Variants in FXR1 observed in about 807,000 individuals in gnomAD.
FXR1 encodes the protein FMR1 autosomal homolog 1.
Under a neutral mutation model 84.0 loss-of-function variants are expected in FXR1, and 15 were observed. That is an observed-to-expected ratio of 0.18 (90% CI 0.12 to 0.27). The LOEUF is 0.27. Among genes scored for constraint, FXR1 ranks in the 10% least tolerant of loss-of-function variants. The pLI, the probability that FXR1 is intolerant of heterozygous loss-of-function variation, is 1.00. For synonymous variants in FXR1, 245 were observed against 250.7 expected, an observed-to-expected ratio of 0.98 and a Z score of 0.21; for missense variants, 480 against 774.4, an observed-to-expected ratio of 0.62 and a Z score of 4.51.
intron 3 of FXR1, among the ~76,000 whole-genome samples, chr3:180,938,611 C>T (rs569699025): frequency 4.8e-4 from 73 of 152,130 alleles, no homozygotes; most frequent in Admixed American, 1.3e-3. Context: ...TGCAATGGTG[C>T]GATCTCGGCT....
Position 180,935,227 on chromosome 3 carries a change from T to A in FXR1, c.194T>A (p.Val65Glu). The A allele has an allele frequency of 8.0e-7, 1 of 1,243,384 alleles. No individual in the cohort carries two copies. Among genetic ancestry groups the A allele is most frequent in the Non-Finnish European group, 1.2e-6 (1 of 845,112 alleles). The allele number at this position is 1,243,384 out of a possible 1,614,324, so 77.0% of individuals were successfully genotyped here. Residue 65 changes from valine (V) to glutamate (E), a missense_variant, in exon 3 of 17, where the codon GTA becomes GAA. Val to Glu is a moderately radical substitution (Grantham distance 121). This residue lies in a region of FXR1 where 136 missense variants were observed against 315.4 expected (regional missense o/e 0.43). Coordinates refer to ENST00000357559, the MANE Select transcript of FXR1 (RefSeq NM_005087.4). ...IKKEISEGDE[V>E]EVYSRANDQE... Reference sequence around the variant, plus strand: ...AAAGAAATTAGTGAAGGAGATGAAGTAGAGGTATGTATTTTTAAGTTTATT... The same window carrying A: ...AAAGAAATTAGTGAAGGAGATGAAGAAGAGGTATGTATTTTTAAGTTTATT...
At chr3:180,955,465 A>G (rs1008517922) in intron 9 of FXR1, among the ~76,000 whole-genome samples, 3 of 152,106 alleles carry the variant, frequency 2.0e-5, no homozygotes, top group Admixed American at 1.3e-4. Flanking sequence ...ATTTTGTATA[A>G]TTATAATTAT....
intron 9 of FXR1, among the ~76,000 whole-genome samples, chr3:180,955,268 G>T (rs955896046): frequency 6.6e-5 from 10 of 151,942 alleles, no homozygotes; most frequent in African/African-American, 2.4e-4. Context: ...CAAAGTGCTG[G>T]GATTACAGGC....
chr3:180,965,605 A>C (rs1327278085), intron 13 of FXR1, among the ~76,000 whole-genome samples: 1 of 152,108 alleles, frequency 6.6e-6, no homozygotes, highest in African/African-American at 2.4e-5. Flanking sequence ...TAGTTTAGAA[A>C]ATTTCTCTAC....
rs1470057674 is a variant in FXR1, at chr3:180,982,665, G to A, written c.*6373G>A. 6.6e-6 allele frequency: 1 copy of A among 152,054 alleles called. No homozygotes were observed. Among genetic ancestry groups the A allele is most frequent in the African/African-American group, 2.4e-5 (1 of 41,422 alleles). 9.4% of individuals were successfully genotyped at this position (152,054 alleles called of 1,614,324 possible). On this transcript the variant is annotated 3_prime_UTR_variant, in exon 17 of 17. Coordinates refer to ENST00000357559, the MANE Select transcript of FXR1 (RefSeq NM_005087.4). The stretch of plus-strand genomic sequence containing the variant: ...CTGTCTTTGAAAAATTTTCTTTTAA[G>A]TCTCAACTATTTCTTCATAAAGCTC...
intron 11 of FXR1, 148 bp from the exon 12 acceptor site, chr3:180,962,735 T>A: frequency 3.2e-6 from 2 of 627,962 alleles, no homozygotes; most frequent in Non-Finnish European, 5.7e-6. Context: ...AATGACCTCA[T>A]CAATTCTGTT....
At chr3:180,950,214 A>G (rs1298091366) in intron 7 of FXR1, among the ~76,000 whole-genome samples, 2 of 152,206 alleles carry the variant, frequency 1.3e-5, no homozygotes, top group African/African-American at 4.8e-5. Flanking sequence ...ACACACTGTG[A>G]TGTCTCAGAG....
At chr3:180,959,171 C>G (rs1051729930) in intron 10 of FXR1, among the ~76,000 whole-genome samples, 2 of 152,122 alleles carry the variant, frequency 1.3e-5, no homozygotes. Context: ...AAAGTATTGA[C>G]CATTTCTTAA....
chr3:180,953,240 G>GT (rs1012181141), intron 8 of FXR1, among the ~76,000 whole-genome samples: 1 of 152,090 alleles, frequency 6.6e-6, no homozygotes, highest in African/African-American at 2.4e-5. Context: ...CCCTCTAGTT[G>GT]TTTAAAATTG....
In FXR1 at chr3:180,912,717, C is replaced by T; in HGVS notation, c.32C>T (p.Ser11Phe). ...GAGCTGACGGTGGAGGTTCGCGGCT[C>T]TAACGGGGCTTTCTACAAGGTACTG... is the stretch of plus-strand genomic sequence containing the variant. MAELTVEVRG[S>F]NGAFYKGFIK... The change falls in exon 1 of 17, where the codon TCT (serine) becomes TTT (phenylalanine). Residue 11 changes from serine (S) to phenylalanine (F), a missense_variant. Around this residue, in one of 6 missense-constraint regions of FXR1, gnomAD observed 54 missense variants for 74.2 expected, o/e 0.73. Transcript: ENST00000357559. The T allele has an allele frequency of 1.2e-6, 2 of 1,614,064 alleles. No homozygotes were observed. Among genetic ancestry groups the T allele is most frequent in the Non-Finnish European group, 1.7e-6 (2 of 1,180,012 alleles).
intron 3 of FXR1, among the ~76,000 whole-genome samples, chr3:180,946,431 C>T (rs1242417302): frequency 6.6e-6 from 1 of 152,190 alleles, no homozygotes; most frequent in Non-Finnish European, 1.5e-5. Context: ...ATAATAATTA[C>T]AGAATAAGGG....
intron 1 of FXR1, chr3:180,933,071 C>T (rs1483842521): frequency 2.5e-6 from 1 of 398,580 alleles, no homozygotes; most frequent in Non-Finnish European, 4.5e-6. Flanking sequence ...TGAACTAATA[C>T]CTGAGGTGTT....
intron 9 of FXR1, chr3:180,954,070 A>G (rs1039784477): frequency 2.6e-6 from 1 of 381,288 alleles, no homozygotes; most frequent in African/African-American, 2.1e-5. Flanking sequence ...ACTCACTAAT[A>G]AGGCCCAGGG....
At chr3:180,941,892 A>G (rs986846150) in intron 3 of FXR1, among the ~76,000 whole-genome samples, 13 of 152,222 alleles carry the variant, frequency 8.5e-5, no homozygotes, top group African/African-American at 3.1e-4. Flanking sequence ...TCATAATACA[A>G]AATGGCAGAT....
chr3:180,976,063 C>T (rs532105535), intron 16 of FXR1, 59 bp from the exon 17 acceptor site: 4 of 1,326,066 alleles, frequency 3.0e-6, no homozygotes, highest in African/African-American at 1.5e-5. Context: ...TAGCTGTTTT[C>T]CTCCTCAGCT....
chr3:180,962,304 A>T (rs1407528487), intron 11 of FXR1, among the ~76,000 whole-genome samples: 1 of 152,186 alleles, frequency 6.6e-6, no homozygotes, highest in Non-Finnish European at 1.5e-5. Flanking sequence ...TTTATATGAA[A>T]AGTCGCAATT....
chr3:180,938,355 T>C (rs1055253769), intron 3 of FXR1, among the ~76,000 whole-genome samples: 1 of 152,232 alleles, frequency 6.6e-6, no homozygotes, highest in Non-Finnish European at 1.5e-5. Context: ...TGTTCATATG[T>C]ACAGTTTTGT....
Position 180,912,821 on chromosome 3 carries a change from T to G in FXR1, c.51+85T>G. ...GGTTGGTGGTCCCAGAGAGTGAGGTTTGGGGTCGGAAAGGCAGCCAGGCCA... is the reference window on the plus strand; with the variant it reads ...GGTTGGTGGTCCCAGAGAGTGAGGTGTGGGGTCGGAAAGGCAGCCAGGCCA... On this transcript the variant is annotated intron_variant, in intron 1 of 16. Coordinates refer to ENST00000357559, the MANE Select transcript of FXR1 (RefSeq NM_005087.4). The G allele has an allele frequency of 2.5e-6, 4 of 1,605,142 alleles. No homozygotes were observed. The South Asian group carries it at 4.4e-5, about 18-fold the overall frequency.
At chr3:180,916,083 G>A (rs78073014) in intron 1 of FXR1, among the ~76,000 whole-genome samples, 56 of 152,254 alleles carry the variant, frequency 3.7e-4, no homozygotes, top group African/African-American at 1.3e-3. Flanking sequence ...TTGTACTTTT[G>A]TACTTCTCAT....
Sources: gnomAD v4.1 joint callset for allele counts (sites outside exome capture counted in the v4.1 genomes callset) on GRCh38, gnomAD v4.1.1 for gene constraint, gnomAD v4.1.1 regional missense constraint, MANE v1.5 for transcripts, NCBI Gene and HGNC (gene_info 2026-07-23, HGNC 2026-07-21) for gene names.